The following ZNF727 variants were observed in gnomAD, a reference collection of about 807,000 sequenced individuals.
ZNF727 encodes putative zinc finger protein 727.
In ZNF727, 11 loss-of-function variants were observed where a neutral mutation model predicts 11.5. The ratio of observed to expected loss-of-function variants is 0.95; its 90% CI spans 0.60 to 1.58. The LOEUF is 1.58. ZNF727 is among the 40% of genes most tolerant of loss of function. ZNF727 has a pLI of 0.00. For synonymous variants in ZNF727, 171 were observed against 196.1 expected, an observed-to-expected ratio of 0.87 and a Z score of 1.07; for missense variants, 533 against 581.7, an observed-to-expected ratio of 0.92 and a Z score of 0.86.
In ZNF727 at chr7:64,052,074, C is replaced by T. The variant is rs573427217; in HGVS notation, c.3+6450C>T. ...AGGCATGGTTTTGATGATCAGTTTT[C>T]CATAATTTAGAAACTTTTCAAAGGT... On this transcript the variant is annotated intron_variant, in intron 1 of 3. Transcript: ENST00000456806. 5.3e-5 allele frequency among the ~76,000 whole-genome samples: 8 copies of T among 152,214 alleles called. No individual in the cohort carries two copies. The South Asian group carries it at 1.7e-3, about 32-fold the overall frequency.
chr7:64,052,949 C>T (rs1373334302), intron 1 of ZNF727, among the ~76,000 whole-genome samples: 5 of 152,174 alleles, frequency 3.3e-5, no homozygotes, highest in Admixed American at 6.5e-5. Flanking sequence ...AGTGCCTTTA[C>T]CCCCATTGTA....
chr7:64,063,804 C>G (rs1156304951), intron 1 of ZNF727, among the ~76,000 whole-genome samples: 1 of 152,048 alleles, frequency 6.6e-6, no homozygotes, highest in African/African-American at 2.4e-5. Context: ...ACTTGGTGCC[C>G]TATTCTGCTG....
At chr7:64,071,398 C>G (rs1392817026) in intron 3 of ZNF727, among the ~76,000 whole-genome samples, 2 of 152,084 alleles carry the variant, frequency 1.3e-5, no homozygotes, top group African/African-American at 4.8e-5. Flanking sequence ...TGTTGCCCAA[C>G]TATATGTTTT....
chr7:64,063,799 G>A (rs534599029), intron 1 of ZNF727, among the ~76,000 whole-genome samples: 2 of 152,004 alleles, frequency 1.3e-5, no homozygotes, highest in Non-Finnish European at 2.9e-5. Flanking sequence ...AATCTACTTG[G>A]TGCCCTATTC....
chr7:64,072,258 G>T lies in ZNF727; in HGVS notation c.226+2649G>T, dbSNP rs146187125. On this transcript the variant is annotated intron_variant, in intron 3 of 3. Coordinates refer to ENST00000456806, the MANE Select transcript of ZNF727 (RefSeq NM_001159522.3). ...GGTATGCAGTGGAGAGGGGTTATAC[G>T]TGGGTCACATGGCTGCTTCTTGGTC... is the stretch of plus-strand genomic sequence containing the variant. 6.7e-3 allele frequency among the ~76,000 whole-genome samples: 1,018 copies of T among 152,158 alleles called. 15 individuals are homozygous for T. The highest frequency in any genetic ancestry group is 0.023 in the African/African-American group (953 of 41,526).
rs1790001063 is a variant in ZNF727, at chr7:64,073,853, T to C, written c.227-3423T>C. Reference sequence around the variant, plus strand: ...TGTGGCATTGCAATTCCTCTAGTATTGTAACAAGCATTCACCTTTCTTCTA... The same window carrying C: ...TGTGGCATTGCAATTCCTCTAGTATCGTAACAAGCATTCACCTTTCTTCTA... On this transcript the variant is annotated intron_variant, in intron 3 of 3. Coordinates refer to ENST00000456806, the MANE Select transcript of ZNF727 (RefSeq NM_001159522.3). Among the ~76,000 whole-genome samples, 2 of 152,160 alleles carry C rather than the reference T, an allele frequency of 1.3e-5. 1 individual carries two copies. Among genetic ancestry groups the C allele is most frequent in the South Asian group, 4.1e-4 (2 of 4,830 alleles).
chr7:64,064,974 G>A (rs1048918237), intron 1 of ZNF727, among the ~76,000 whole-genome samples: 1 of 152,164 alleles, frequency 6.6e-6, no homozygotes, highest in Non-Finnish European at 1.5e-5. Flanking sequence ...CCTCTTCAGT[G>A]CCTCTTTCAT....
rs1785727317 is a variant in ZNF727 at position 64,078,440 on chromosome 7, C to T, written c.1391C>T (p.Ser464Phe). ...GAATGTGGCAAAACCTTTACCTGCTCCTCAAGCCTTATTAAACACAAGAGA... is the reference window on the plus strand; with the variant it reads ...GAATGTGGCAAAACCTTTACCTGCTTCTCAAGCCTTATTAAACACAAGAGA... ...CEECGKTFTC[S>F]SSLIKHKRSH... The change falls in exon 4 of 4, where the codon TCC becomes TTC. Residue 464 changes from serine (S) to phenylalanine (F), a missense_variant. Around this residue, in one of 3 missense-constraint regions of ZNF727, gnomAD observed 54 missense variants for 48.6 expected, o/e 1.11. Transcript: ENST00000456806. The T allele has an allele frequency of 6.3e-7, 1 of 1,582,932 alleles. No homozygotes were observed. The highest frequency in any genetic ancestry group is 1.4e-5 in the African/African-American group (1 of 73,684).
At chr7:64,047,611 C>A (rs568062357) in intron 1 of ZNF727, among the ~76,000 whole-genome samples, 2 of 152,234 alleles carry the variant, frequency 1.3e-5, no homozygotes, top group South Asian at 4.1e-4. Context: ...CAAACATTAG[C>A]CCCTGGGTCA....
chr7:64,061,664 C>T (rs1789772463), intron 1 of ZNF727, among the ~76,000 whole-genome samples: 1 of 151,714 alleles, frequency 6.6e-6, no homozygotes, highest in African/African-American at 2.4e-5. Flanking sequence ...GAGGAGTTAA[C>T]TTAATTTACA....
intron 1 of ZNF727, among the ~76,000 whole-genome samples, chr7:64,058,018 T>G (rs536784722): frequency 7.6e-4 from 116 of 152,336 alleles, no homozygotes; most frequent in African/African-American, 2.6e-3. Flanking sequence ...CTATAATAAC[T>G]TCTCACAATA....
Position 64,078,074 on chromosome 7 carries a change from G to A in ZNF727, c.1025G>A (p.Cys342Tyr). The A allele has an allele frequency of 2.5e-6, 4 of 1,611,646 alleles. No individual in the cohort carries two copies. Among genetic ancestry groups the A allele is most frequent in the Non-Finnish European group, 3.4e-6 (4 of 1,178,880 alleles). The change falls in exon 4 of 4, where the codon TGT (cysteine) becomes TAT (tyrosine). Residue 342 changes from cysteine to tyrosine, a missense_variant. This residue lies in a region of ZNF727 where 463 missense variants were observed against 494.5 expected (regional missense o/e 0.94). Coordinates refer to ENST00000456806, the MANE Select transcript of ZNF727 (RefSeq NM_001159522.3). Reference protein sequence around the residue: ...RIHTGEKPYICEECGKAFTYS... With the variant: ...RIHTGEKPYIYEECGKAFTYS... ...CATACTGGAGAGAAACCCTACATTT[G>A]TGAAGAATGTGGCAAAGCCTTTACC...
At chr7:64,058,026 A>G (rs1034412790) in intron 1 of ZNF727, among the ~76,000 whole-genome samples, 6 of 152,142 alleles carry the variant, frequency 3.9e-5, no homozygotes, top group African/African-American at 1.4e-4. Flanking sequence ...ACTTCTCACA[A>G]TATGCCCTGG....
At position 64,078,021 on chromosome 7, in the gene ZNF727, C is replaced by G. The variant is rs1433141885; in HGVS notation, c.972C>G (p.Ile324Met). The change falls in exon 4 of 4, where the codon ATC becomes ATG. Residue 324 changes from isoleucine (I) to methionine (M), a missense_variant. Physicochemically the swap from Ile to Met is conservative, Grantham distance 10. Transcript: ENST00000456806. Reference protein sequence around the residue: ...CNECGKAFMWISALSQHNRIH... With the variant: ...CNECGKAFMWMSALSQHNRIH... ...AATGTGGAAAAGCTTTTATGTGGAT[C>G]TCGGCCCTTAGTCAACATAACAGAA... 6.2e-7 allele frequency: 1 copy of G among 1,607,196 alleles called. No homozygotes were observed. The highest frequency in any genetic ancestry group is 1.1e-5 in the South Asian group (1 of 90,280).
Position 64,053,936 on chromosome 7 carries a change from C to G in ZNF727, c.3+8312C>G, listed in dbSNP as rs145189272. ...CATTAATCAGATAAAAAAGTTGTGT[C>G]TAATTTCTCATTGTTAATAGATTAT... On this transcript the variant is annotated intron_variant, in intron 1 of 3. Transcript: ENST00000456806. Among the ~76,000 whole-genome samples the G allele has an allele frequency of 3.4e-3, 520 of 152,236 alleles. 1 individual carries two copies. Among genetic ancestry groups the G allele is most frequent in the African/African-American group, 0.012 (494 of 41,530 alleles).
chr7:64,047,582 T>C (rs1190764476), intron 1 of ZNF727, among the ~76,000 whole-genome samples: 2 of 152,174 alleles, frequency 1.3e-5, no homozygotes, highest in African/African-American at 2.4e-5. Context: ...ACAAGGACCA[T>C]GTCTCTTGGA....
In ZNF727 at chr7:64,045,520, C is replaced by T. The variant is rs1344635080; in HGVS notation, c.-102C>T. 1.4e-6 allele frequency: 2 copies of T among 1,472,950 alleles called. No homozygotes were observed. Among genetic ancestry groups the T allele is most frequent in the African/African-American group, 2.8e-5 (2 of 71,476 alleles). 91.2% of individuals were successfully genotyped at this position (1,472,950 alleles called of 1,614,324 possible). A position where few individuals can be genotyped will look rare whatever the true frequency, so the allele number is the denominator to read the frequency against. On this transcript the variant is annotated 5_prime_UTR_variant, in exon 1 of 4. Coordinates refer to ENST00000456806, the MANE Select transcript of ZNF727 (RefSeq NM_001159522.3). ...TCTGTACTATTCCATCTCTTCCGCT[C>T]CATTAGCTCCTCGGTGACTCCACCA... is the stretch of plus-strand genomic sequence containing the variant.
chr7:64,063,525 T>C (rs989719767), intron 1 of ZNF727, among the ~76,000 whole-genome samples: 1 of 152,036 alleles, frequency 6.6e-6, no homozygotes, highest in South Asian at 2.1e-4. Flanking sequence ...GGAGTGGGTG[T>C]AACACTAGCA....
Position 64,077,868 on chromosome 7 carries a change from ACATAAGAGAATT to A in ZNF727, c.824_835del (p.Lys275_His278del). On this transcript the variant is annotated inframe_deletion, in exon 4 of 4. Coordinates refer to ENST00000456806, the MANE Select transcript of ZNF727 (RefSeq NM_001159522.3). ...TTAGGTGTTGCTCAGACCTTACTAA[ACATAAGAGAATT>A]CATACTGGAGAGAAACCCTACAAAT... 1 of 1,572,668 alleles carries A rather than the reference ACATAAGAGAATT, an allele frequency of 6.4e-7. No individual in the cohort carries two copies. Among genetic ancestry groups the A allele is most frequent in the Non-Finnish European group, 8.6e-7 (1 of 1,158,536 alleles).
Sources: gnomAD v4.1 joint callset for allele counts (sites outside exome capture counted in the v4.1 genomes callset) on GRCh38, gnomAD v4.1.1 for gene constraint, gnomAD v4.1.1 regional missense constraint, MANE v1.5 for transcripts, NCBI Gene and HGNC (gene_info 2026-07-23, HGNC 2026-07-21) for gene names.